The following ELP4 variants were observed in gnomAD, a reference collection of about 807,000 sequenced individuals.
ELP4 encodes the protein elongator acetyltransferase complex subunit 4.
A neutral mutation model predicts 48.9 loss-of-function variants in ELP4; 51 were observed. The ratio of observed to expected loss-of-function variants is 1.04; its 90% CI spans 0.83 to 1.32. The LOEUF (loss-of-function observed/expected upper bound fraction) is 1.32, where lower values mean the gene tolerates loss of function less well. ELP4 is among the 40% of genes most tolerant of loss of function. The probability of loss-of-function intolerance (pLI) is 0.00; values close to 1 mark genes in which losing one functional copy is unlikely to be tolerated. For synonymous variants in ELP4, 210 were observed against 189.2 expected, an observed-to-expected ratio of 1.11 and a Z score of -0.90; for missense variants, 519 against 514.6, an observed-to-expected ratio of 1.01 and a Z score of -0.08.
chr11:31,697,368 C>T (rs1946431402), intron 9 of ELP4, among the ~76,000 whole-genome samples: 1 of 152,036 alleles, frequency 6.6e-6, no homozygotes, highest in Non-Finnish European at 1.5e-5. Context: ...GCTTTCATTT[C>T]AGTTTCTGTA....
chr11:31,682,087 C>G, intron 9 of ELP4: 1 of 1,268,372 alleles, frequency 7.9e-7, no homozygotes. Flanking sequence ...TAAGTAGATA[C>G]TGATGTTGAT....
chr11:31,517,908 G>A (rs573462803), intron 1 of ELP4, among the ~76,000 whole-genome samples: 2 of 152,078 alleles, frequency 1.3e-5, no homozygotes, highest in African/African-American at 2.4e-5. Context: ...GTGAGCCACC[G>A]CACCCGGCCC....
chr11:31,762,314 A>G lies in ELP4; in HGVS notation c.1144-21079A>G, dbSNP rs998454835. Reference sequence around the variant, plus strand: ...TTTTGCCTACCTTCTTGTCTTCACAACAAAGTTTATTTAAATGATTTTTTC... The same window carrying G: ...TTTTGCCTACCTTCTTGTCTTCACAGCAAAGTTTATTTAAATGATTTTTTC... On this transcript the variant is annotated intron_variant, in intron 9 of 9. Transcript: ENST00000640961. 6.8e-4 allele frequency among the ~76,000 whole-genome samples: 104 copies of G among 152,228 alleles called. 2 individuals are homozygous for G. Among genetic ancestry groups the G allele is most frequent in the Non-Finnish European group, 1.5e-4 (10 of 68,032 alleles).
chr11:31,748,327 C>T (rs1208098536), intron 9 of ELP4, among the ~76,000 whole-genome samples: 7 of 151,740 alleles, frequency 4.6e-5, no homozygotes, highest in African/African-American at 1.5e-4. Flanking sequence ...TCACTGCAAC[C>T]TCCGCCTCTC....
At chr11:31,536,430 C>T (rs1326597208) in intron 2 of ELP4, among the ~76,000 whole-genome samples, 1 of 152,184 alleles carries the variant, frequency 6.6e-6, no homozygotes, top group Non-Finnish European at 1.5e-5. Context: ...CGGCTCACTG[C>T]AACCTCCACT....
intron 9 of ELP4, among the ~76,000 whole-genome samples, chr11:31,736,109 T>C (rs1592265467): frequency 2.6e-5 from 4 of 152,312 alleles, no homozygotes; most frequent in African/African-American, 9.6e-5. Flanking sequence ...AACAGCATGG[T>C]ACTGGTACCA....
rs539767094 is a variant in ELP4 at position 31,729,341 on chromosome 11, A to G, written c.1144-54052A>G. On this transcript the variant is annotated intron_variant, in intron 9 of 9. Coordinates refer to ENST00000640961, the MANE Select transcript of ELP4 (RefSeq NM_019040.5). ...TATCTATGTACTAACTTAGCAATAA[A>G]AATATGTATTGGCCCATTTCCTCAG... 5.9e-5 allele frequency among the ~76,000 whole-genome samples: 9 copies of G among 152,320 alleles called. No individual in the cohort carries two copies. The East Asian group carries it at 1.5e-3, about 26-fold the overall frequency.
Position 31,620,018 on chromosome 11 carries a change from G to A in ELP4, c.654-7092G>A, listed in dbSNP as rs542047508. Among the ~76,000 whole-genome samples, 4 of 152,084 alleles carry A rather than the reference G, an allele frequency of 2.6e-5. No individual in the cohort carries two copies. In the South Asian group the frequency reaches 8.3e-4, roughly 32 times the overall value. ...GCTGCTTCTGTTTTCTCATTGAAAGGTTATAAACTGATAATGAAGATGGAG... is the reference window on the plus strand; with the variant it reads ...GCTGCTTCTGTTTTCTCATTGAAAGATTATAAACTGATAATGAAGATGGAG... On this transcript the variant is annotated intron_variant, in intron 5 of 9. Transcript: ENST00000640961.
chr11:31,595,418 A>G (rs1265143475), intron 4 of ELP4, among the ~76,000 whole-genome samples: 2 of 152,152 alleles, frequency 1.3e-5, no homozygotes, highest in Non-Finnish European at 2.9e-5. Flanking sequence ...GGCATGGTTC[A>G]TTTATTAGCT....
chr11:31,660,518 C>T (rs938856717), intron 9 of ELP4, among the ~76,000 whole-genome samples: 3 of 151,950 alleles, frequency 2.0e-5, no homozygotes, highest in Admixed American at 6.6e-5. Flanking sequence ...AAACAAAATG[C>T]TAAAATGTTG....
At chr11:31,710,757 G>A (rs373809401) in intron 9 of ELP4, among the ~76,000 whole-genome samples, 1 of 152,110 alleles carries the variant, frequency 6.6e-6, no homozygotes, top group East Asian at 1.9e-4. Context: ...ATACGGATGA[G>A]AAGAATAAGA....
chr11:31,579,942 A>G (rs1592135010), intron 3 of ELP4, among the ~76,000 whole-genome samples: 4 of 152,120 alleles, frequency 2.6e-5, no homozygotes, highest in African/African-American at 9.7e-5. Flanking sequence ...AAAAATAAAT[A>G]AATAAAAATA....
At chr11:31,561,500 G>T (rs1235347514) in intron 3 of ELP4, among the ~76,000 whole-genome samples, 1 of 152,020 alleles carries the variant, frequency 6.6e-6, no homozygotes, top group African/African-American at 2.4e-5. Context: ...GAAGTGCAGT[G>T]GTGCAATCGC....
chr11:31,610,470 G>A (rs562413760), intron 5 of ELP4, among the ~76,000 whole-genome samples: 14 of 152,254 alleles, frequency 9.2e-5, no homozygotes, highest in African/African-American at 3.1e-4. Flanking sequence ...CACCCCGGTA[G>A]TGAGCATAGT....
chr11:31,705,006 T>C (rs1176941981), intron 9 of ELP4, among the ~76,000 whole-genome samples: 39 of 148,382 alleles, frequency 2.6e-4, no homozygotes, highest in Non-Finnish European at 4.8e-4. Context: ...CGAGACTCCA[T>C]CTCAAAAAAA....
chr11:31,765,932 T>A lies in ELP4; in HGVS notation c.1144-17461T>A, dbSNP rs1480582967. Reference sequence around the variant, plus strand: ...ACTCATTTCCAAGAGAATTAACTCCTAATAAAAGACTTATTTCTCTTTTTA... The same window carrying A: ...ACTCATTTCCAAGAGAATTAACTCCAAATAAAAGACTTATTTCTCTTTTTA... On this transcript the variant is annotated intron_variant, in intron 9 of 9. Coordinates refer to ENST00000640961, the MANE Select transcript of ELP4 (RefSeq NM_019040.5). 2.0e-5 allele frequency among the ~76,000 whole-genome samples: 3 copies of A among 152,098 alleles called. No individual in the cohort carries two copies. In the East Asian group the frequency reaches 5.8e-4, roughly 29 times the overall value.
At chr11:31,656,582 T>G (rs894981435) in intron 9 of ELP4, among the ~76,000 whole-genome samples, 7 of 152,066 alleles carry the variant, frequency 4.6e-5, no homozygotes, top group African/African-American at 1.4e-4. Context: ...ATTTTTACAT[T>G]GCACTATTTA....
intron 9 of ELP4, chr11:31,707,179 C>A (rs552182622): frequency 7.7e-6 from 3 of 390,914 alleles, no homozygotes; most frequent in Non-Finnish European, 1.4e-5. Flanking sequence ...AGTTGCTGCA[C>A]GAGTTTATAT....
At chr11:31,574,782 C>T (rs2862800) in intron 3 of ELP4, among the ~76,000 whole-genome samples, 4,026 of 152,236 alleles carry the variant, frequency 0.026, 167 homozygotes, top group African/African-American at 0.091. Context: ...ACCCCATGTA[C>T]GTCACCATCA....
Sources: allele counts gnomAD v4.1 joint callset (sites outside exome capture counted in the v4.1 genomes callset), GRCh38; gene constraint gnomAD v4.1.1; transcripts MANE v1.5; gene names NCBI Gene and HGNC (gene_info 2026-07-23, HGNC 2026-07-21).